The following ZNF528 variants were observed in gnomAD, a reference collection of about 807,000 sequenced individuals.
ZNF528 encodes zinc finger protein 528.
ZNF528 carries 9 observed loss-of-function variants against 13.3 expected under a neutral mutation model. The ratio of observed to expected loss-of-function variants is 0.67; its 90% CI spans 0.41 to 1.18. The LOEUF (loss-of-function observed/expected upper bound fraction) is 1.18, where lower values mean the gene tolerates loss of function less well. ZNF528 is among the 50% of genes most tolerant of loss of function. The probability of loss-of-function intolerance (pLI) is 0.01; values close to 1 mark genes in which losing one functional copy is unlikely to be tolerated. For missense variants in ZNF528, 858 were observed against 745.4 expected, an observed-to-expected ratio of 1.15 and a Z score of -1.76; for synonymous variants, 264 against 254.3, an observed-to-expected ratio of 1.04 and a Z score of -0.36.
intron 4 of ZNF528, among the ~76,000 whole-genome samples, chr19:52,403,753 G>GTGT (rs2058823399): frequency 6.6e-6 from 1 of 151,726 alleles, no homozygotes; most frequent in African/African-American, 2.4e-5. Context: ...GTATATGAGT[G>GTGT]TGTAAGTGTG....
Position 52,416,450 on chromosome 19 carries a change from C to T in ZNF528, c.1598C>T (p.Ala533Val), listed in dbSNP as rs760963924. 1.2e-6 allele frequency: 2 copies of T among 1,614,036 alleles called. No homozygotes were observed. Among genetic ancestry groups the T allele is most frequent in the South Asian group, 1.1e-5 (1 of 91,072 alleles). The change falls in exon 7 of 7, where the codon GCA becomes GTA. Residue 533 changes from alanine to valine, a missense_variant. Ala to Val is a moderately conservative substitution (Grantham distance 64). Transcript: ENST00000360465. Reference protein sequence around the residue: ...CNQCGKVFNQASYLTRHQIIH... With the variant: ...CNQCGKVFNQVSYLTRHQIIH... ...CAATGTGGCAAGGTCTTTAATCAAG[C>T]ATCATACCTTACAAGACATCAAATA...
chr19:52,416,042 C>T lies in ZNF528; in HGVS notation c.1190C>T (p.Thr397Ile), dbSNP rs199935728. The change falls in exon 7 of 7, where the codon ACC (threonine) becomes ATC (isoleucine). Residue 397 changes from threonine (T) to isoleucine (I), a missense_variant. Physicochemically the swap from Thr to Ile is moderately conservative, Grantham distance 89. Transcript: ENST00000360465. ...DKVFGRKCFLTSHQRIHTRER... is the reference protein window; with the variant it reads ...DKVFGRKCFLISHQRIHTRER... ...GTCTTTGGGCGCAAGTGTTTCCTGA[C>T]CTCTCATCAGAGAATTCATACTAGA... 3.7e-6 allele frequency: 6 copies of T among 1,614,012 alleles called. 1 individual carries two copies. The highest frequency in any genetic ancestry group is 1.6e-4 in the Middle Eastern group (1 of 6,062).
chr19:52,409,347 TG>T (rs1303172367), intron 6 of ZNF528, among the ~76,000 whole-genome samples: 15 of 151,692 alleles, frequency 9.9e-5, no homozygotes, highest in Non-Finnish European at 2.1e-4. Context: ...TTGCCCAGGC[TG>T]GAGTGCAGTG....
In ZNF528 at chr19:52,412,342, T is replaced by C. The variant is rs975041541; in HGVS notation, c.272-2782T>C. 5 of 152,248 alleles carry C rather than the reference T, an allele frequency of 3.3e-5. 1 individual carries two copies. The highest frequency in any genetic ancestry group is 7.3e-5 in the Non-Finnish European group (5 of 68,046). 9.4% of individuals were successfully genotyped at this position (152,248 alleles called of 1,614,324 possible). A position where few individuals can be genotyped will look rare whatever the true frequency, so the allele number is the denominator to read the frequency against. ...TGGGACTACAGTGATGCCTTGCAAG[T>C]TAAGGCGGCCTTTGCCTAAAATTAG... On this transcript the variant is annotated intron_variant, in intron 6 of 6. Transcript: ENST00000360465.
At position 52,416,547 on chromosome 19, in the gene ZNF528, T is replaced by C. The variant is rs766190310; in HGVS notation, c.1695T>C (p.Thr565=). Residue 565 remains threonine, a synonymous_variant, in exon 7 of 7, where the codon ACT becomes ACC. Coordinates refer to ENST00000360465, the MANE Select transcript of ZNF528 (RefSeq NM_032423.3). ...CATTTCGAGGGTGTTCAGGCCTTAC[T>C]GCCCATCTTGCAATCCATACTGAAA... The part of the protein sequence containing the change: ...GKAFRGCSGL[T]AHLAIHTEKK... The C allele has an allele frequency of 2.5e-6, 4 of 1,614,086 alleles. No individual in the cohort carries two copies. In the African/African-American group the frequency reaches 5.3e-5, roughly 22 times the overall value.
At chr19:52,401,609 C>T (rs2058794745) in intron 2 of ZNF528, 76 bp from the exon 3 acceptor site, 15 of 1,159,648 alleles carry the variant, frequency 1.3e-5, no homozygotes, top group Non-Finnish European at 1.7e-5. Context: ...AAAATAAGTG[C>T]TTGATCAAAG....
chr19:52,410,557 GCCT>G (rs2058918641), intron 6 of ZNF528, among the ~76,000 whole-genome samples: 1 of 152,160 alleles, frequency 6.6e-6, no homozygotes, highest in Non-Finnish European at 1.5e-5. Flanking sequence ...TGGTCATATA[GCCT>G]CCAGTGGAAC....
At position 52,406,568 on chromosome 19, in the gene ZNF528, C is replaced by T; in HGVS notation, c.196C>T (p.Pro66Ser). ...VTSMLEQKRD[P>S]WTLQSEEKIA... Reference sequence around the variant, plus strand: ...CTCCATGTTAGAGCAAAAGAGAGATCCCTGGACTCTGCAGAGTGAAGAGAA... The same window carrying T: ...CTCCATGTTAGAGCAAAAGAGAGATTCCTGGACTCTGCAGAGTGAAGAGAA... The change falls in exon 6 of 7, where the codon CCC becomes TCC. Residue 66 changes from proline to serine, a missense_variant. Transcript: ENST00000360465. The T allele has an allele frequency of 6.2e-7, 1 of 1,614,082 alleles. No individual in the cohort carries two copies. Among genetic ancestry groups the T allele is most frequent in the South Asian group, 1.1e-5 (1 of 91,064 alleles).
intron 2 of ZNF528, among the ~76,000 whole-genome samples, 165 bp from the exon 3 acceptor site, chr19:52,401,520 C>T (rs1451997521): frequency 6.6e-6 from 1 of 152,168 alleles, no homozygotes; most frequent in Non-Finnish European, 1.5e-5. Flanking sequence ...CTGACCTCAT[C>T]TCCTGCCTCT....
At chr19:52,409,798 C>A (rs1011591186) in intron 6 of ZNF528, among the ~76,000 whole-genome samples, 3 of 152,068 alleles carry the variant, frequency 2.0e-5, no homozygotes, top group African/African-American at 7.2e-5. Flanking sequence ...CTCACTTCAA[C>A]CTCCACATCC....
chr19:52,411,168 G>A (rs1599834344), intron 6 of ZNF528, among the ~76,000 whole-genome samples: 1 of 152,252 alleles, frequency 6.6e-6, no homozygotes, highest in South Asian at 2.1e-4. Flanking sequence ...CATATTTTGA[G>A]ACTCCTTTAA....
chr19:52,415,088 A>G (rs1296496075), intron 6 of ZNF528, 36 bp from the exon 7 acceptor site: 11 of 1,612,200 alleles, frequency 6.8e-6, no homozygotes, highest in African/African-American at 2.7e-5. Context: ...TGCCATTATC[A>G]TGGGTTGAAG....
At chr19:52,410,638 T>C (rs1350782349) in intron 6 of ZNF528, among the ~76,000 whole-genome samples, 2 of 152,192 alleles carry the variant, frequency 1.3e-5, no homozygotes, top group Non-Finnish European at 2.9e-5. Context: ...TGTATTACTG[T>C]TACAGATTTG....
chr19:52,401,486 C>G (rs1382656850), intron 2 of ZNF528, among the ~76,000 whole-genome samples, 199 bp from the exon 3 acceptor site: 1 of 152,130 alleles, frequency 6.6e-6, no homozygotes, highest in African/African-American at 2.4e-5. Flanking sequence ...TCAGCCCTGC[C>G]TGATCTGCTT....
rs745683680 is a variant in ZNF528, at chr19:52,416,407, A to G, written c.1555A>G (p.Lys519Glu). Reference sequence around the variant, plus strand: ...CCATCAGAAAATTCATACAGGAGAAAAGCCTTACAAATGTAATCAATGTGG... The same window carrying G: ...CCATCAGAAAATTCATACAGGAGAAGAGCCTTACAAATGTAATCAATGTGG... ...VCHQKIHTGE[K>E]PYKCNQCGKV... is the part of the protein sequence containing the mutation. Residue 519 changes from lysine to glutamate, a missense_variant, in exon 7 of 7, where the codon AAG becomes GAG. Lys to Glu is a moderately conservative substitution (Grantham distance 56). Coordinates refer to ENST00000360465, the MANE Select transcript of ZNF528 (RefSeq NM_032423.3). 6.2e-7 allele frequency: 1 copy of G among 1,614,148 alleles called. No individual in the cohort carries two copies. Among genetic ancestry groups the G allele is most frequent in the Non-Finnish European group, 8.5e-7 (1 of 1,179,990 alleles).
chr19:52,403,833 TA>T (rs2058824398), intron 4 of ZNF528, among the ~76,000 whole-genome samples: 1 of 152,094 alleles, frequency 6.6e-6, no homozygotes, highest in Non-Finnish European at 1.5e-5. Context: ...ATATAAATTT[TA>T]TGTTTTTTAG....
rs1568431660 is a variant in ZNF528, at chr19:52,415,768, T to G, written c.916T>G (p.Phe306Val). ...CAAATGTCATGAATGTGACAAGGTC[T>G]TCAATCAAATTGCACACCTTGTACG... ...PYKCHECDKV[F>V]NQIAHLVRHQ... The change falls in exon 7 of 7, where the codon TTC (phenylalanine) becomes GTC (valine). Residue 306 changes from phenylalanine to valine, a missense_variant. By Grantham distance (50) the Phe-to-Val change is conservative. Coordinates refer to ENST00000360465, the MANE Select transcript of ZNF528 (RefSeq NM_032423.3). The G allele has an allele frequency of 3.1e-6, 5 of 1,614,014 alleles. No individual in the cohort carries two copies. Among genetic ancestry groups the G allele is most frequent in the Non-Finnish European group, 4.2e-6 (5 of 1,180,048 alleles).
At chr19:52,407,911 C>G (rs2058878872) in intron 6 of ZNF528, among the ~76,000 whole-genome samples, 1 of 151,998 alleles carries the variant, frequency 6.6e-6, no homozygotes, top group African/African-American at 2.4e-5. Flanking sequence ...TGGGATTTTT[C>G]CATGTTGGGC....
intron 6 of ZNF528, among the ~76,000 whole-genome samples, chr19:52,410,591 C>T (rs769804625): frequency 6.6e-6 from 1 of 152,198 alleles, no homozygotes; most frequent in Non-Finnish European, 1.5e-5. Flanking sequence ...TCATGTCTCT[C>T]AGGCCATCGG....
Sources: allele counts gnomAD v4.1 joint callset (sites outside exome capture counted in the v4.1 genomes callset), GRCh38; gene constraint gnomAD v4.1.1; transcripts MANE v1.5; gene names NCBI Gene and HGNC (gene_info 2026-07-23, HGNC 2026-07-21).